The following NHSL1 variants were observed in gnomAD, a reference collection of about 807,000 sequenced individuals.
NHSL1 encodes NHS like 1, also known as NHS-like protein 1.
In NHSL1, 48 loss-of-function variants were observed where a neutral mutation model predicts 95.0. That is an observed-to-expected ratio of 0.51 (90% CI 0.40 to 0.64). NHSL1 has a LOEUF of 0.64. Among genes scored for constraint, NHSL1 ranks in the 30% least tolerant of loss-of-function variants. The pLI, the probability that NHSL1 is intolerant of heterozygous loss-of-function variation, is 0.00. For synonymous variants in NHSL1, 783 were observed against 833.9 expected (o/e 0.94, Z 1.05); for missense variants, 1,971 against 2,077.7 (o/e 0.95, Z 1.00).
At chr6:138,485,066 A>G (rs1275629945) in intron 2 of NHSL1, among the ~76,000 whole-genome samples, 1 of 152,192 alleles carries the variant, frequency 6.6e-6, no homozygotes, top group Non-Finnish European at 1.5e-5. Flanking sequence ...GCCAAATTGG[A>G]GGCGATCTCA....
At chr6:138,464,913 A>G (rs1397635871) in intron 3 of NHSL1, among the ~76,000 whole-genome samples, 3 of 151,746 alleles carry the variant, frequency 2.0e-5, no homozygotes, top group South Asian at 4.2e-4. Context: ...GGGTTTCACC[A>G]TGTTGTCCAG....
intron 2 of NHSL1, among the ~76,000 whole-genome samples, chr6:138,491,468 T>C (rs1414666009): frequency 6.6e-6 from 1 of 152,178 alleles, no homozygotes; most frequent in Non-Finnish European, 1.5e-5. Flanking sequence ...CTTTTCCACT[T>C]AGTTGTAGCC....
intron 1 of NHSL1, among the ~76,000 whole-genome samples, chr6:138,565,838 G>T (rs1011038603): frequency 4.0e-5 from 6 of 151,762 alleles, no homozygotes; most frequent in Admixed American, 3.9e-4. Context: ...AGCTACTCAG[G>T]AGGCTGAGCG....
At chr6:138,485,017 G>C (rs902878080) in intron 2 of NHSL1, among the ~76,000 whole-genome samples, 2 of 152,200 alleles carry the variant, frequency 1.3e-5, no homozygotes, top group African/African-American at 4.8e-5. Context: ...AGTGTGCTGA[G>C]AGTCTGCAAG....
At chr6:138,446,033 ATT>A (rs201605598) in intron 4 of NHSL1, among the ~76,000 whole-genome samples, 37 of 133,254 alleles carry the variant, frequency 2.8e-4, no homozygotes, top group Non-Finnish European at 3.0e-4. Context: ...GAAAATTTTG[ATT>A]TTTTTTTTTT....
chr6:138,681,027 GTTAA>G (rs1490634726), intron 1 of NHSL1, among the ~76,000 whole-genome samples: 1 of 152,122 alleles, frequency 6.6e-6, no homozygotes, highest in Non-Finnish European at 1.5e-5. Context: ...TTATTCCAAT[GTTAA>G]TTAATCTTTT....
At chr6:138,674,825 C>T (rs1043921762) in intron 1 of NHSL1, among the ~76,000 whole-genome samples, 3 of 152,098 alleles carry the variant, frequency 2.0e-5, no homozygotes, top group African/African-American at 7.2e-5. Context: ...ATTCCTTTGG[C>T]TACATACCCA....
chr6:138,444,646 C>A (rs916203956), intron 4 of NHSL1, among the ~76,000 whole-genome samples: 1 of 151,674 alleles, frequency 6.6e-6, no homozygotes, highest in Non-Finnish European at 1.5e-5. Context: ...CTCACCCCAG[C>A]GAACGAGCAC....
rs746666923 is a variant in NHSL1 at position 138,431,393 on chromosome 6, G to T, written c.2952C>A (p.Ser984=). Residue 984 remains serine, a synonymous_variant, in exon 6 of 8, where the codon TCC becomes TCA. Transcript: ENST00000343505. This position sits in a 1 kb window ranked among gnomAD's most constrained non-coding sequence, Gnocchi z 4.0. ...GAGGAGAAAGGCACCAATCAGGTGG[G>T]GAGCAGAAAGGAATGAGAGCTTCTG... is the stretch of plus-strand genomic sequence containing the variant. ...PPPEALIPFC[S]PPDWCLSPPR... 9 of 1,549,718 alleles carry T rather than the reference G, an allele frequency of 5.8e-6. No homozygotes were observed. The South Asian group carries it at 1.1e-4, about 18-fold the overall frequency.
chr6:138,627,574 G>A (rs979963310), intron 1 of NHSL1, among the ~76,000 whole-genome samples: 9 of 152,090 alleles, frequency 5.9e-5, no homozygotes, highest in Admixed American at 4.6e-4. Flanking sequence ...TATATCAGTA[G>A]TATACCAGAT....
At chr6:138,457,313 C>T (rs988602087) in intron 3 of NHSL1, among the ~76,000 whole-genome samples, 2 of 152,132 alleles carry the variant, frequency 1.3e-5, no homozygotes, top group Admixed American at 1.3e-4. Flanking sequence ...CACTATATTC[C>T]CACTTTGAAC....
intron 1 of NHSL1, among the ~76,000 whole-genome samples, chr6:138,543,248 C>G (rs535056410): frequency 3.9e-5 from 6 of 152,270 alleles, no homozygotes; most frequent in Non-Finnish European, 7.3e-5. Context: ...AGCTGAACTT[C>G]GCAGAACATC....
At chr6:138,545,866 C>A, upstream of NHSL1, 1 of 980,386 alleles carries the variant, frequency 1.0e-6, no homozygotes, top group Non-Finnish European at 1.2e-6. Flanking sequence ...AATCAGCCTG[C>A]AATCATCTTG....
At chr6:138,517,060 G>C (rs1293028534) in intron 1 of NHSL1, among the ~76,000 whole-genome samples, 1 of 152,194 alleles carries the variant, frequency 6.6e-6, no homozygotes, top group East Asian at 1.9e-4. Flanking sequence ...TGATGAGAAA[G>C]GGATGGAAGT....
intron 3 of NHSL1, among the ~76,000 whole-genome samples, chr6:138,456,720 C>T (rs913768856): frequency 6.6e-6 from 1 of 152,196 alleles, no homozygotes; most frequent in Non-Finnish European, 1.5e-5. Context: ...AGTATTTTCG[C>T]ACTGATAACT....
At chr6:138,470,444 C>T (rs1778678626) in intron 3 of NHSL1, 1 of 152,208 alleles carries the variant, frequency 6.6e-6, no homozygotes, top group African/African-American at 2.4e-5. Context: ...TGCGCTACCA[C>T]ACCCAGCTAG....
At chr6:138,467,790 TA>T (rs1778488704) in intron 3 of NHSL1, among the ~76,000 whole-genome samples, 1 of 152,234 alleles carries the variant, frequency 6.6e-6, no homozygotes. Context: ...TTTGTACAGC[TA>T]TACAATGTAT....
At chr6:138,629,803 G>A (rs1228833939) in intron 1 of NHSL1, among the ~76,000 whole-genome samples, 2 of 152,230 alleles carry the variant, frequency 1.3e-5, no homozygotes, top group Admixed American at 1.3e-4. Context: ...CATATGTGAA[G>A]CTTCAAACCT....
At chr6:138,511,401 T>C (rs867727519) in intron 1 of NHSL1, among the ~76,000 whole-genome samples, 1 of 136,656 alleles carries the variant, frequency 7.3e-6, no homozygotes, top group Non-Finnish European at 1.6e-5. Flanking sequence ...AGAGAGAGAG[T>C]GTGTGTGTGT....
Sources: gnomAD v4.1 joint callset for allele counts (sites outside exome capture counted in the v4.1 genomes callset) on GRCh38, gnomAD v4.1.1 for gene constraint, Gnocchi (gnomAD v3.1) non-coding constraint, MANE v1.5 for transcripts, NCBI Gene and HGNC (gene_info 2026-07-23, HGNC 2026-07-21) for gene names.